The following TLE2 variants were observed in gnomAD, a reference collection of about 807,000 sequenced individuals.
TLE2 encodes transducin-like enhancer protein 2.
Under a neutral mutation model 97.2 loss-of-function variants are expected in TLE2, and 74 were observed. The ratio of observed to expected loss-of-function variants is 0.76; its 90% CI spans 0.63 to 0.92. TLE2 has a LOEUF of 0.92. TLE2 is among the 40% of genes least tolerant of loss of function. The pLI is 0.00. For missense variants in TLE2, 1,038 were observed against 1,008.7 expected (o/e 1.03, Z -0.39); for synonymous variants, 499 against 432.1 (o/e 1.15, Z -1.92).
intron 18 of TLE2, among the ~76,000 whole-genome samples, chr19:3,001,791 CTTTTTTTT>C (rs562875053): frequency 4.5e-5 from 5 of 111,468 alleles, no homozygotes; most frequent in African/African-American, 1.8e-4. Flanking sequence ...TCTTTTCTTT[CTTTTTTTT>C]TTTTTTTTTT....
intron 19 of TLE2, among the ~76,000 whole-genome samples, chr19:2,999,298 A>G (rs2089297957): frequency 6.6e-6 from 1 of 151,814 alleles, no homozygotes. Flanking sequence ...ACAAAAAAAC[A>G]CTGTACCAAC....
intron 1 of TLE2, among the ~76,000 whole-genome samples, chr19:3,039,224 CCAAAA>C (rs2090082986): frequency 2.0e-5 from 2 of 101,004 alleles, no homozygotes; most frequent in African/African-American, 7.9e-5. Context: ...TTTCCCCACT[CCAAAA>C]AAAAAAAAAA....
At position 3,019,498 on chromosome 19, in the gene TLE2, G is replaced by T. The variant is rs1358750432; in HGVS notation, c.370-35C>A. ...AGGAGGCAGGATGGGCCGGGGCGGG[G>T]GGCGGCAGGAGCCCAGCGGTCCCCA... On this transcript the variant is annotated intron_variant, in intron 6 of 19. Coordinates refer to ENST00000262953, the MANE Select transcript of TLE2 (RefSeq NM_003260.5). This position sits in a 1 kb window ranked among gnomAD's most constrained non-coding sequence, Gnocchi z 5.1. The T allele has an allele frequency of 3.4e-6, 5 of 1,487,562 alleles. No individual in the cohort carries two copies. The highest frequency in any genetic ancestry group is 4.5e-6 in the Non-Finnish European group (5 of 1,122,276). The allele number at this position is 1,487,562 out of a possible 1,614,324, so 92.1% of individuals were successfully genotyped here.
rs1296417434 is a variant in TLE2 at position 3,006,430 on chromosome 19, A to G, written c.1490T>C (p.Leu497Pro). The change falls in exon 15 of 20, where the codon CTC becomes CCC. Residue 497 changes from leucine to proline, a missense_variant. Physicochemically the swap from Leu to Pro is moderately conservative, Grantham distance 98 (BLOSUM62 -3). Coordinates refer to ENST00000262953, the MANE Select transcript of TLE2 (RefSeq NM_003260.5). ...CCACCCCGCCCTCACCAGGCAGTCG[A>G]GCTGGGCCACGGGCGTCTTGGCCCC... ...QPGAKTPVAQ[L>P]DCLNRDNYIR... The G allele has an allele frequency of 6.2e-7, 1 of 1,609,998 alleles. No individual in the cohort carries two copies. The highest frequency in any genetic ancestry group is 8.5e-7 in the Non-Finnish European group (1 of 1,179,444).
In TLE2 at chr19:3,008,903, A is replaced by G; in HGVS notation, c.1216T>C (p.Ser406Pro). The G allele has an allele frequency of 1.9e-6, 3 of 1,595,678 alleles. No individual in the cohort carries two copies. The highest frequency in any genetic ancestry group is 2.3e-5 in the East Asian group (1 of 43,702). Reference sequence around the variant, plus strand: ...CCAGGGATGCTGGGTAGGGAGGAAGAGACGGATGACCCTCGGAGATGGGGA... The same window carrying G: ...CCAGGGATGCTGGGTAGGGAGGAAGGGACGGATGACCCTCGGAGATGGGGA... ...SHPHLRGSSVSSSLPSIPGGK... is the reference protein window; with the variant it reads ...SHPHLRGSSVPSSLPSIPGGK... The change falls in exon 14 of 20, where the codon TCT (serine) becomes CCT (proline). Residue 406 changes from serine (S) to proline (P), a missense_variant. Physicochemically the swap from Ser to Pro is moderately conservative, Grantham distance 74. Transcript: ENST00000262953.
chr19:3,035,073 G>A (rs1021296955), intron 1 of TLE2, among the ~76,000 whole-genome samples: 6 of 152,166 alleles, frequency 3.9e-5, no homozygotes, highest in Non-Finnish European at 2.9e-5. Context: ...GATTGCCCGA[G>A]AAGCCACAAG....
chr19:3,032,444 G>C (rs1641503493), upstream of TLE2, among the ~76,000 whole-genome samples: 1 of 152,012 alleles, frequency 6.6e-6, no homozygotes, highest in African/African-American at 2.4e-5. The surrounding 1 kb of genome is among the most constrained non-coding windows in gnomAD (Gnocchi z 4.1). Flanking sequence ...CGCTATGTTG[G>C]CCAGGCTGGT....
intron 4 of TLE2, 86 bp from the exon 5 acceptor site, chr19:3,025,168 A>C: frequency 7.3e-7 from 1 of 1,376,224 alleles, no homozygotes. Context: ...AGGTGTTGGC[A>C]AAGCCGAAGG....
rs369904286 is a variant in TLE2 at position 3,005,847 on chromosome 19, G to A, written c.1622C>T (p.Ala541Val). 1 of 1,613,968 alleles carries A rather than the reference G, an allele frequency of 6.2e-7. No homozygotes were observed. The highest frequency in any genetic ancestry group is 8.5e-7 in the Non-Finnish European group (1 of 1,179,882). ...DLAAPTPRIK[A>V]ELTSSAPACY... ...GGCTGGGGCTGAGGAAGTCAGCTCGGCCTTGATACGGGGGGTGGGCGCCGC... is the reference window on the plus strand; with the variant it reads ...GGCTGGGGCTGAGGAAGTCAGCTCGACCTTGATACGGGGGGTGGGCGCCGC... Residue 541 changes from alanine (A) to valine (V), a missense_variant, in exon 16 of 20, where the codon GCC becomes GTC. By Grantham distance (64) the Ala-to-Val change is moderately conservative. Transcript: ENST00000262953.
At position 3,035,616 on chromosome 19, in the gene TLE2, C is replaced by T. The variant is rs2090056339; in HGVS notation, c.64-6813G>A. On this transcript the variant is annotated intron_variant, in intron 1 of 18. Coordinates refer to the TLE2 transcript ENST00000426948. ...CCACCTTAAATCAGCCTGGCCGCCC[C>T]AGCTACTGTGGAAATTCCTTTCTCC... 2.6e-5 allele frequency among the ~76,000 whole-genome samples: 4 copies of T among 152,172 alleles called. No individual in the cohort carries two copies. In the South Asian group the frequency reaches 8.3e-4, roughly 32 times the overall value.
At chr19:3,032,961 T>C (rs576853070), upstream of TLE2, among the ~76,000 whole-genome samples, 1 of 148,304 alleles carries the variant, frequency 6.7e-6, no homozygotes, top group African/African-American at 2.5e-5. This position sits in a 1 kb window ranked among gnomAD's most constrained non-coding sequence, Gnocchi z 4.1. Flanking sequence ...TTTGACGGAG[T>C]CATGCTCTGT....
At chr19:3,013,858 G>A in intron 10 of TLE2, 40 bp from the exon 11 acceptor site, 3 of 1,455,112 alleles carry the variant, frequency 2.1e-6, no homozygotes, top group Non-Finnish European at 2.7e-6. Context: ...GTTGAAATGA[G>A]AGGGAAAGAA....
rs758945788 is a variant in TLE2 at position 3,017,876 on chromosome 19, G to A, written c.551-17C>T. 1 of 1,611,610 alleles carries A rather than the reference G, an allele frequency of 6.2e-7. No homozygotes were observed. The highest frequency in any genetic ancestry group is 8.5e-7 in the Non-Finnish European group (1 of 1,178,758). On this transcript the variant is annotated splice_polypyrimidine_tract_variant and intron_variant, in intron 7 of 19. Coordinates refer to ENST00000262953, the MANE Select transcript of TLE2 (RefSeq NM_003260.5). ...CTCTCTCCACTGACAGATTGGGAAT[G>A]GGATAAAGAGAAAGAAGGAGAAAGA...
intron 8 of TLE2, among the ~76,000 whole-genome samples, chr19:3,016,108 G>T (rs559840078): frequency 1.7e-4 from 26 of 151,584 alleles, no homozygotes; most frequent in Admixed American, 1.3e-3. Context: ...GCTAATTTTT[G>T]TATTTTTAAT....
In TLE2 at chr19:3,006,684, G is replaced by A. The variant is rs1367864446; in HGVS notation, c.1251-15C>T. The A allele has an allele frequency of 1.1e-5, 17 of 1,574,088 alleles. No individual in the cohort carries two copies. The highest frequency in any genetic ancestry group is 1.7e-4 in the Middle Eastern group (1 of 5,850). ...AGGAGTAGGCCCTGGAGAGAAAGCC[G>A]GGGCATGACCCAGCCCTGGGCACCA... On this transcript the variant is annotated splice_polypyrimidine_tract_variant and intron_variant, in intron 14 of 19. Transcript: ENST00000262953.
upstream of TLE2, among the ~76,000 whole-genome samples, chr19:3,030,218 C>T (rs1423186622): frequency 6.6e-6 from 1 of 152,224 alleles, no homozygotes; most frequent in Non-Finnish European, 1.5e-5. Flanking sequence ...GCTGTCTCCC[C>T]TCTCAGACTG....
At chr19:3,034,337 C>T (rs929414560) in intron 1 of TLE2, among the ~76,000 whole-genome samples, 1 of 151,842 alleles carries the variant, frequency 6.6e-6, no homozygotes, top group East Asian at 1.9e-4. Flanking sequence ...CCCTCCTTCC[C>T]TCAAACCCTC....
chr19:3,028,489 C>A (rs1429477096), intron 2 of TLE2, 107 bp from the exon 3 acceptor site: 16 of 1,206,984 alleles, frequency 1.3e-5, no homozygotes, highest in East Asian at 5.1e-5. Flanking sequence ...GACCTCCCCC[C>A]ACCTCCTGTC....
chr19:3,025,539 C>G (rs1050546442), intron 4 of TLE2: 1 of 990,400 alleles, frequency 1.0e-6, no homozygotes, highest in African/African-American at 1.7e-5. Flanking sequence ...TCCTCCGCTT[C>G]CCAGGACTGA....
Sources: gnomAD v4.1 joint callset for allele counts (sites outside exome capture counted in the v4.1 genomes callset) on GRCh38, gnomAD v4.1.1 for gene constraint, Gnocchi (gnomAD v3.1) non-coding constraint, MANE v1.5 for transcripts, NCBI Gene and HGNC (gene_info 2026-07-23, HGNC 2026-07-21) for gene names.